The following RIMS2 variants were observed in gnomAD, a reference collection of about 807,000 sequenced individuals.
The protein encoded by RIMS2 is regulating synaptic membrane exocytosis protein 2.
In RIMS2, 59 loss-of-function variants were observed where a neutral mutation model predicts 174.4. The ratio of observed to expected loss-of-function variants is 0.34; its 90% CI spans 0.27 to 0.42. The LOEUF (loss-of-function observed/expected upper bound fraction) is 0.42, where lower values mean the gene tolerates loss of function less well. RIMS2 is among the 10% of genes least tolerant of loss of function. The pLI is 1.00. For missense variants in RIMS2, 1,620 were observed against 1,666.3 expected, an observed-to-expected ratio of 0.97 and a Z score of 0.48; for synonymous variants, 606 against 572.5, an observed-to-expected ratio of 1.06 and a Z score of -0.84.
chr8:103,674,148 A>G (rs2096779677), intron 1 of RIMS2, among the ~76,000 whole-genome samples: 1 of 152,252 alleles, frequency 6.6e-6, no homozygotes, highest in African/African-American at 2.4e-5. Flanking sequence ...GACCTTGCCA[A>G]CCTTGATTTT....
intron 19 of RIMS2, among the ~76,000 whole-genome samples, chr8:104,093,047 G>A (rs932446011): frequency 5.3e-5 from 8 of 151,678 alleles, no homozygotes; most frequent in African/African-American, 1.5e-4. Context: ...AAGAGTTAAT[G>A]GTTTAATAAT....
intron 1 of RIMS2, among the ~76,000 whole-genome samples, chr8:103,654,794 G>T (rs1410818030): frequency 6.6e-6 from 1 of 151,780 alleles, no homozygotes; most frequent in Non-Finnish European, 1.5e-5. Context: ...ATTATTTTTG[G>T]AAGCTGAATT....
chr8:104,104,844 C>A (rs1292581927), intron 19 of RIMS2, among the ~76,000 whole-genome samples: 1 of 149,886 alleles, frequency 6.7e-6, no homozygotes, highest in Non-Finnish European at 1.5e-5. Context: ...CACACCACTG[C>A]ACTCCAGCCT....
chr8:104,150,774 T>A (rs1286912867), intron 19 of RIMS2, among the ~76,000 whole-genome samples: 1 of 152,112 alleles, frequency 6.6e-6, no homozygotes, highest in Non-Finnish European at 1.5e-5. Flanking sequence ...TAATTATAGA[T>A]GATAGGAAGT....
chr8:103,579,223 ACTCTCT>A (rs34205035), intron 1 of RIMS2, among the ~76,000 whole-genome samples: 121 of 149,254 alleles, frequency 8.1e-4, no homozygotes, highest in African/African-American at 2.8e-3. Flanking sequence ...GCATAGCAAT[ACTCTCT>A]CTCTCTCTCT....
intron 2 of RIMS2, among the ~76,000 whole-genome samples, chr8:103,729,660 T>C (rs996975711): frequency 6.6e-5 from 10 of 152,174 alleles, no homozygotes; most frequent in African/African-American, 2.4e-4. Context: ...TAAGTTTTTC[T>C]ACTTTTTTGG....
At chr8:103,999,311 T>C (rs2095282726) in intron 17 of RIMS2, among the ~76,000 whole-genome samples, 1 of 151,744 alleles carries the variant, frequency 6.6e-6, no homozygotes, top group Non-Finnish European at 1.5e-5. Context: ...AACAGTAATT[T>C]ACTAGTAACT....
intron 22 of RIMS2, among the ~76,000 whole-genome samples, chr8:104,250,791 T>C (rs2099356464): frequency 6.6e-6 from 1 of 152,162 alleles, no homozygotes; most frequent in Non-Finnish European, 1.5e-5. Context: ...ATATAACCAG[T>C]TGATGAAAAA....
At chr8:103,726,790 T>A (rs1259933020) in intron 2 of RIMS2, among the ~76,000 whole-genome samples, 1 of 149,824 alleles carries the variant, frequency 6.7e-6, no homozygotes, top group African/African-American at 2.4e-5. Context: ...TGGAGTGCAG[T>A]GGCGCGATCT....
intron 19 of RIMS2, among the ~76,000 whole-genome samples, chr8:104,208,686 C>T (rs57117148): frequency 0.025 from 3,801 of 152,106 alleles, 138 homozygotes; most frequent in African/African-American, 0.08. Flanking sequence ...ATAGCAGGAA[C>T]CAAATACTAC....
chr8:103,586,509 G>A (rs2093929125), intron 1 of RIMS2, among the ~76,000 whole-genome samples: 2 of 152,054 alleles, frequency 1.3e-5, no homozygotes, highest in African/African-American at 4.8e-5. Context: ...GTGAGTCAAT[G>A]AAGAAATTAA....
intron 1 of RIMS2, among the ~76,000 whole-genome samples, chr8:103,633,177 C>A (rs1252751095): frequency 6.7e-6 from 1 of 149,208 alleles, no homozygotes; most frequent in Non-Finnish European, 1.5e-5. Flanking sequence ...CAGGCATGTG[C>A]CACCACGCCC....
At chr8:104,050,041 A>T (rs77725207) in intron 19 of RIMS2, among the ~76,000 whole-genome samples, 5,343 of 152,282 alleles carry the variant, frequency 0.035, 156 homozygotes, top group East Asian at 0.12. Context: ...ACAGACTATT[A>T]AAATCTCCTT....
intron 3 of RIMS2, among the ~76,000 whole-genome samples, chr8:103,881,185 A>G (rs1465408899): frequency 2.0e-5 from 3 of 151,498 alleles, no homozygotes; most frequent in African/African-American, 7.3e-5. Context: ...TAATCTTCAA[A>G]TTTTGCACTG....
intron 19 of RIMS2, among the ~76,000 whole-genome samples, chr8:104,206,179 A>C (rs1463365114): frequency 1.3e-5 from 2 of 152,138 alleles, no homozygotes; most frequent in African/African-American, 4.8e-5. Context: ...GTAATTGTCA[A>C]AGTTTGTTTT....
At chr8:103,939,537 C>G (rs2082065243) in intron 13 of RIMS2, among the ~76,000 whole-genome samples, 1 of 152,248 alleles carries the variant, frequency 6.6e-6, no homozygotes, top group South Asian at 2.1e-4. Context: ...AGACCTCTGA[C>G]ATGCCCTGGA....
chr8:103,726,501 A>C (rs1194311948), intron 2 of RIMS2, among the ~76,000 whole-genome samples: 1 of 151,748 alleles, frequency 6.6e-6, no homozygotes, highest in African/African-American at 2.4e-5. Context: ...TTTTTTATTT[A>C]GTTTTCCTTC....
Position 104,147,230 on chromosome 8 carries a change from C to T in RIMS2, c.3335-97686C>T, listed in dbSNP as rs187476445. Among the ~76,000 whole-genome samples, 291 of 152,094 alleles carry T rather than the reference C, an allele frequency of 1.9e-3. 1 individual carries two copies. Among genetic ancestry groups the T allele is most frequent in the African/African-American group, 6.5e-3 (270 of 41,478 alleles). ...TTTCTCTTCTCTCCCCACCCACCTG[C>T]GCCTTCTCTCTCTCTCCCTCGCACA... On this transcript the variant is annotated intron_variant, in intron 19 of 23. Coordinates refer to ENST00000504942, the Ensembl canonical transcript of RIMS2.
chr8:104,166,362 G>A (rs1056073134), intron 19 of RIMS2, among the ~76,000 whole-genome samples: 2 of 151,966 alleles, frequency 1.3e-5, no homozygotes, highest in African/African-American at 4.8e-5. Flanking sequence ...CACCGGGCCC[G>A]GCCTGGATGA....
Sources: allele counts gnomAD v4.1 joint callset (sites outside exome capture counted in the v4.1 genomes callset), GRCh38; gene constraint gnomAD v4.1.1; transcripts MANE v1.5; gene names NCBI Gene and HGNC (gene_info 2026-07-23, HGNC 2026-07-21).